Variants in DLG2 observed in about 807,000 individuals in gnomAD.
DLG2 encodes the protein discs large MAGUK scaffold protein 2.
Under a neutral mutation model 132.5 loss-of-function variants are expected in DLG2, and 45 were observed. The observed-to-expected ratio is 0.34, with a 90% CI of 0.27 to 0.44. The LOEUF (loss-of-function observed/expected upper bound fraction) is 0.44, where lower values mean the gene tolerates loss of function less well. DLG2 is among the 20% of genes least tolerant of loss of function. The probability of loss-of-function intolerance (pLI) is 1.00; values close to 1 mark genes in which losing one functional copy is unlikely to be tolerated. For synonymous variants in DLG2, 424 were observed against 419.6 expected, an observed-to-expected ratio of 1.01 and a Z score of -0.13; for missense variants, 1,045 against 1,196.9, an observed-to-expected ratio of 0.87 and a Z score of 1.87.
intron 3 of DLG2, among the ~76,000 whole-genome samples, chr11:85,447,013 T>C (rs1565503222): frequency 1.3e-5 from 2 of 152,144 alleles, no homozygotes; most frequent in Non-Finnish European, 2.9e-5. Flanking sequence ...ACAGTGTGCA[T>C]TGGTCATAAG....
intron 3 of DLG2, among the ~76,000 whole-genome samples, chr11:85,513,220 G>A (rs1020985397): frequency 3.3e-5 from 5 of 151,870 alleles, no homozygotes; most frequent in Non-Finnish European, 5.9e-5. Context: ...GGGAGAAAGT[G>A]TTGAAAAACT....
intron 19 of DLG2, among the ~76,000 whole-genome samples, chr11:83,558,815 T>C (rs749659465): frequency 4.0e-5 from 6 of 151,046 alleles, no homozygotes; most frequent in Non-Finnish European, 7.4e-5. Flanking sequence ...ATGAATTAAC[T>C]ACCTACTCCC....
chr11:85,109,033 TC>T, intron 6 of DLG2, among the ~76,000 whole-genome samples: 1 of 144,758 alleles, frequency 6.9e-6, no homozygotes, highest in Non-Finnish European at 1.5e-5. Context: ...GTTTGGTATA[TC>T]TCCAGTACAA....
chr11:84,420,594 G>C (rs182385029), intron 7 of DLG2, among the ~76,000 whole-genome samples: 1 of 138,952 alleles, frequency 7.2e-6, no homozygotes, highest in African/African-American at 2.6e-5. Context: ...TTTAGAATGA[G>C]ATTTAATTTG....
At chr11:83,876,794 T>C (rs1286598361) in intron 15 of DLG2, among the ~76,000 whole-genome samples, 6 of 152,280 alleles carry the variant, frequency 3.9e-5, no homozygotes, top group Non-Finnish European at 8.8e-5. Flanking sequence ...TTTCACATAG[T>C]TGTATATATA....
In DLG2 at chr11:83,737,412, G is replaced by T. The variant is rs543286571; in HGVS notation, c.1825+49278C>A. Among the ~76,000 whole-genome samples the T allele has an allele frequency of 4.9e-4, 75 of 152,174 alleles. 1 individual carries two copies. Among genetic ancestry groups the T allele is most frequent in the African/African-American group, 1.8e-3 (74 of 41,534 alleles). Reference sequence around the variant, plus strand: ...GAGAAATGAACTTTCATATTGATTGGTTCTATTTTTTAAAATTATGCTTTA... The same window carrying T: ...GAGAAATGAACTTTCATATTGATTGTTTCTATTTTTTAAAATTATGCTTTA... On this transcript the variant is annotated intron_variant, in intron 18 of 27. Transcript: ENST00000376104.
intron 15 of DLG2, among the ~76,000 whole-genome samples, chr11:83,910,084 T>C (rs183993173): frequency 1.3e-5 from 2 of 152,156 alleles, no homozygotes; most frequent in African/African-American, 4.8e-5. Flanking sequence ...AACAGTTCAG[T>C]AATAAACCCA....
intron 6 of DLG2, among the ~76,000 whole-genome samples, chr11:84,969,529 C>T (rs1205764296): frequency 1.3e-5 from 2 of 152,166 alleles, no homozygotes; most frequent in African/African-American, 4.8e-5. Flanking sequence ...TCTGGGACTC[C>T]ATGTGGGGAG....
chr11:84,460,643 GGTCA>G (rs1178618489), intron 7 of DLG2, among the ~76,000 whole-genome samples: 14 of 150,054 alleles, frequency 9.3e-5, no homozygotes, highest in Admixed American at 6.0e-4. Flanking sequence ...AATGAATTTG[GGTCA>G]GTCAATTATT....
At chr11:85,085,249 C>T (rs2067765821) in intron 6 of DLG2, among the ~76,000 whole-genome samples, 1 of 152,144 alleles carries the variant, frequency 6.6e-6, no homozygotes, top group African/African-American at 2.4e-5. Flanking sequence ...GTTATCCCAA[C>T]TCAACAAAGC....
At chr11:85,427,148 G>A (rs187848052) in intron 3 of DLG2, among the ~76,000 whole-genome samples, 3 of 152,256 alleles carry the variant, frequency 2.0e-5, no homozygotes, top group African/African-American at 4.8e-5. Context: ...AATCTACATC[G>A]ATTGGTGTAC....
chr11:84,658,550 T>C (rs2099690917), intron 6 of DLG2, among the ~76,000 whole-genome samples: 1 of 152,050 alleles, frequency 6.6e-6, no homozygotes, highest in Non-Finnish European at 1.5e-5. Context: ...AAAGGTAGGG[T>C]CTGGTGGGAG....
At chr11:84,994,853 G>T (rs2057477542) in intron 6 of DLG2, among the ~76,000 whole-genome samples, 1 of 152,282 alleles carries the variant, frequency 6.6e-6, no homozygotes, top group East Asian at 1.9e-4. Flanking sequence ...TTGAAATTCA[G>T]AACATAGGGC....
chr11:83,540,763 G>A (rs1298942745), intron 20 of DLG2, among the ~76,000 whole-genome samples: 7 of 152,214 alleles, frequency 4.6e-5, no homozygotes, highest in Non-Finnish European at 8.8e-5. Context: ...TTGGAGATGA[G>A]GATCAAAGCC....
chr11:84,189,221 T>C (rs1474517608), intron 8 of DLG2, among the ~76,000 whole-genome samples: 1 of 152,010 alleles, frequency 6.6e-6, no homozygotes, highest in African/African-American at 2.4e-5. Flanking sequence ...AACATATGAA[T>C]AAAAAGCTCA....
chr11:84,376,457 G>A (rs577987495), intron 7 of DLG2, among the ~76,000 whole-genome samples: 1 of 151,948 alleles, frequency 6.6e-6, no homozygotes, highest in African/African-American at 2.4e-5. Context: ...ACTAAAGATA[G>A]ACTAGGGTTT....
At chr11:84,978,081 G>A (rs566102717) in intron 6 of DLG2, among the ~76,000 whole-genome samples, 72 of 152,158 alleles carry the variant, frequency 4.7e-4, no homozygotes, top group African/African-American at 1.6e-3. Flanking sequence ...AGGGGAAGGG[G>A]AAAATATTGT....
chr11:84,637,202 T>G (rs1355189469), intron 6 of DLG2, among the ~76,000 whole-genome samples: 1 of 151,824 alleles, frequency 6.6e-6, no homozygotes, highest in Admixed American at 6.6e-5. Context: ...ACAAGGAGAG[T>G]CAGATAAGGC....
At chr11:85,195,849 A>G (rs990445773) in intron 4 of DLG2, among the ~76,000 whole-genome samples, 1 of 152,170 alleles carries the variant, frequency 6.6e-6, no homozygotes, top group African/African-American at 2.4e-5. Context: ...ATAATCTGCT[A>G]TCACTGGAAA....
Sources: allele counts gnomAD v4.1 joint callset (sites outside exome capture counted in the v4.1 genomes callset), GRCh38; gene constraint gnomAD v4.1.1; transcripts MANE v1.5; gene names NCBI Gene and HGNC (gene_info 2026-07-23, HGNC 2026-07-21).